Variants in SH2D1A observed in about 807,000 individuals in gnomAD.
SH2D1A encodes the protein SH2 domain containing 1A.
Under a neutral mutation model 10.1 loss-of-function variants are expected in SH2D1A, and 6 were observed. The observed-to-expected ratio is 0.60, with a 90% CI of 0.33 to 1.18. SH2D1A has a LOEUF of 1.18. SH2D1A is among the 50% of genes most tolerant of loss of function. SH2D1A has a pLI of 0.04. For missense variants in SH2D1A, 51 were observed against 97.6 expected (o/e 0.52, Z 2.01); for synonymous variants, 42 against 36.9 (o/e 1.14, Z -0.51).
At chrX:124,352,739 G>C in intron 1 of SH2D1A, among the ~76,000 whole-genome samples, 1 of 111,711 alleles carries the variant, frequency 9.0e-6, no homozygotes, top group Non-Finnish European at 1.9e-5. Context: ...ATGGGCGCAA[G>C]TATCCCTTTG....
At chrX:124,360,445 T>TAAAAAAAA (rs752399450) in intron 1 of SH2D1A, among the ~76,000 whole-genome samples, 2 of 31,982 alleles carry the variant, frequency 6.3e-5, no homozygotes, top group African/African-American at 2.7e-4. Flanking sequence ...CTGCAAAAAC[T>TAAAAAAAA]AAAAAAAAAA....
At chrX:124,370,738 C>T (rs771760003) in intron 3 of SH2D1A, among the ~76,000 whole-genome samples, 1 of 112,046 alleles carries the variant, frequency 8.9e-6, no homozygotes, top group African/African-American at 3.2e-5. Context: ...TGAAAGCTAA[C>T]GTTAGCCTGG....
intron 3 of SH2D1A, among the ~76,000 whole-genome samples, 200 bp downstream of exon 3, chrX:124,370,520 G>A (rs1167895495): frequency 8.9e-6 from 1 of 112,075 alleles, no homozygotes; most frequent in African/African-American, 3.2e-5. Flanking sequence ...ATAAATCTCT[G>A]TAAAAACATC....
At chrX:124,369,783 A>T (rs1332581515) in intron 2 of SH2D1A, among the ~76,000 whole-genome samples, 1 of 108,652 alleles carries the variant, frequency 9.2e-6, no homozygotes, top group African/African-American at 3.4e-5. Context: ...GACCTGTAGG[A>T]TCTGTTTTTT....
At chrX:124,366,737 CTAAAGA>C (rs1363931043) in intron 2 of SH2D1A, among the ~76,000 whole-genome samples, 3 of 110,915 alleles carry the variant, frequency 2.7e-5, no homozygotes, top group Non-Finnish European at 3.8e-5. Flanking sequence ...ATAATACTAA[CTAAAGA>C]TAAAGTTATA....
At chrX:124,350,673 GATATA>G (rs1283739910) in intron 1 of SH2D1A, among the ~76,000 whole-genome samples, 1 of 29,599 alleles carries the variant, frequency 3.4e-5, no homozygotes, top group Non-Finnish European at 4.7e-5. Flanking sequence ...TTGTATATAA[GATATA>G]ATATATTATA....
intron 2 of SH2D1A, among the ~76,000 whole-genome samples, chrX:124,368,470 C>T (rs1261977291): frequency 8.9e-6 from 1 of 112,072 alleles, no homozygotes; most frequent in Non-Finnish European, 1.9e-5. Flanking sequence ...ACTTTACAAG[C>T]CACAAGAAGC....
intron 1 of SH2D1A, among the ~76,000 whole-genome samples, chrX:124,351,666 TA>T (rs1340714719): frequency 9.0e-6 from 1 of 111,012 alleles, no homozygotes; most frequent in African/African-American, 3.3e-5. Context: ...CCACATTTTA[TA>T]TTCCTTTGGT....
chrX:124,358,741 A>G (rs1215187329), intron 1 of SH2D1A, among the ~76,000 whole-genome samples: 2 of 111,903 alleles, frequency 1.8e-5, no homozygotes, highest in Non-Finnish European at 3.8e-5. Flanking sequence ...ATTCCCAATG[A>G]GATGTGGGCA....
intron 1 of SH2D1A, among the ~76,000 whole-genome samples, chrX:124,359,024 A>G (rs2060033061): frequency 8.9e-6 from 1 of 111,738 alleles, no homozygotes; most frequent in Admixed American, 9.5e-5. Context: ...AAAGTGAAAG[A>G]TATAAACTGC....
intron 1 of SH2D1A, chrX:124,364,512 G>GTTT: frequency 1.2e-4 from 24 of 207,963 alleles, no homozygotes; most frequent in South Asian, 3.3e-4. Flanking sequence ...AAGCGATACA[G>GTTT]TTTTTTTTTT....
intron 1 of SH2D1A, chrX:124,353,215 A>C (rs2060019278): frequency 6.7e-6 from 1 of 149,438 alleles, no homozygotes; most frequent in Non-Finnish European, 1.4e-5. Context: ...TCTTTAAATA[A>C]TTTAGTCTTC....
At chrX:124,354,117 A>G (rs2060021292) in intron 1 of SH2D1A, among the ~76,000 whole-genome samples, 2 of 112,084 alleles carry the variant, frequency 1.8e-5, no homozygotes, top group African/African-American at 6.5e-5. Context: ...ATTATTTTCA[A>G]TTTCCTGAAT....
In SH2D1A at chrX:124,355,885, AT is replaced by A. The variant is rs1311952144; in HGVS notation, c.137+9113del. 5.4e-5 allele frequency among the ~76,000 whole-genome samples: 6 copies of A among 110,311 alleles called. No individual in the cohort carries two copies. The East Asian group carries it at 1.4e-3, about 26-fold the overall frequency. On this transcript the variant is annotated intron_variant, in intron 1 of 3. Coordinates refer to ENST00000371139, the MANE Select transcript of SH2D1A (RefSeq NM_002351.5). ...CACTTTTTACACATACTGTCATTTT[AT>A]TTTTTTATTTTTATTTTTTGTTTTG...
At chrX:124,354,124 G>A (rs954061527) in intron 1 of SH2D1A, among the ~76,000 whole-genome samples, 2 of 111,973 alleles carry the variant, frequency 1.8e-5, no homozygotes, top group African/African-American at 6.5e-5. Flanking sequence ...TCAATTTCCT[G>A]AATACAATCC....
chrX:124,367,731 T>C (rs1240355892), intron 2 of SH2D1A: 1 of 111,779 alleles, frequency 8.9e-6, no homozygotes, highest in Non-Finnish European at 1.9e-5. Context: ...GAAAGACAGA[T>C]ATCATGTGTT....
chrX:124,352,032 G>A (rs1172452506), intron 1 of SH2D1A, among the ~76,000 whole-genome samples: 3 of 110,898 alleles, frequency 2.7e-5, no homozygotes, highest in African/African-American at 6.5e-5. Flanking sequence ...TACGTCACTC[G>A]TTTTCTTTGT....
At chrX:124,364,256 C>A (rs139732597) in intron 1 of SH2D1A, 13,080 of 162,991 alleles carry the variant, frequency 0.08, 511 homozygotes, top group Middle Eastern at 0.13. Context: ...TCTCTGTAGG[C>A]CTAGGCTAAT....
chrX:124,352,982 A>T (rs1033441284), intron 1 of SH2D1A, among the ~76,000 whole-genome samples: 2 of 111,701 alleles, frequency 1.8e-5, no homozygotes, highest in African/African-American at 6.5e-5. Flanking sequence ...AAATAGCTAG[A>T]AGAGAGTACT....
Sources: allele counts gnomAD v4.1 joint callset (sites outside exome capture counted in the v4.1 genomes callset), GRCh38; gene constraint gnomAD v4.1.1; transcripts MANE v1.5; gene names NCBI Gene and HGNC (gene_info 2026-07-23, HGNC 2026-07-21).